The following MCM8 variants were observed in gnomAD, a reference collection of about 807,000 sequenced individuals.
MCM8 encodes DNA helicase MCM8.
A neutral mutation model predicts 98.9 loss-of-function variants in MCM8; 85 were observed. The ratio of observed to expected loss-of-function variants is 0.86; its 90% CI spans 0.72 to 1.03. MCM8 has a LOEUF of 1.03. Among genes scored for constraint, MCM8 ranks in the 50% least tolerant of loss-of-function variants. The pLI is 0.00. For missense variants in MCM8, 951 were observed against 997.8 expected, an observed-to-expected ratio of 0.95 and a Z score of 0.63; for synonymous variants, 352 against 338.6, an observed-to-expected ratio of 1.04 and a Z score of -0.44.
intron 10 of MCM8, among the ~76,000 whole-genome samples, chr20:5,968,632 C>T (rs2122725113): frequency 6.6e-6 from 1 of 152,250 alleles, no homozygotes; most frequent in East Asian, 1.9e-4. Context: ...AAGTGTGCTG[C>T]TTTTGTGCTA....
intron 17 of MCM8, among the ~76,000 whole-genome samples, chr20:5,991,698 TCTTTC>T (rs1490754251): frequency 1.3e-5 from 2 of 152,344 alleles, no homozygotes; most frequent in South Asian, 4.1e-4. Flanking sequence ...CAACATGCAT[TCTTTC>T]CTTAGTTTAT....
At chr20:5,993,821 C>A in intron 18 of MCM8, 126 bp downstream of exon 18, 1 of 725,670 alleles carries the variant, frequency 1.4e-6, no homozygotes, top group Non-Finnish European at 2.2e-6. Flanking sequence ...TTTTCAGCAT[C>A]TTGATAGTCA....
At chr20:5,985,661 T>G (rs1268378392) in intron 15 of MCM8, among the ~76,000 whole-genome samples, 1 of 151,862 alleles carries the variant, frequency 6.6e-6, no homozygotes, top group Non-Finnish European at 1.5e-5. Flanking sequence ...TTCTCCTGCC[T>G]CAGTCTCCCA....
chr20:5,972,721 C>G (rs756853683), intron 11 of MCM8: 63 of 1,303,128 alleles, frequency 4.8e-5, no homozygotes, highest in Admixed American at 2.3e-4. Flanking sequence ...GACCCAGCTA[C>G]TTTTGGTAAG....
intron 12 of MCM8, among the ~76,000 whole-genome samples, chr20:5,977,211 C>T (rs553271390): frequency 3.7e-4 from 57 of 152,320 alleles, no homozygotes; most frequent in African/African-American, 1.3e-3. Context: ...CTGCCATACA[C>T]GGCAGTTTTA....
chr20:5,953,725 G>T (rs979814025), intron 3 of MCM8, among the ~76,000 whole-genome samples: 3 of 151,648 alleles, frequency 2.0e-5, no homozygotes, highest in Admixed American at 6.6e-5. Flanking sequence ...CGCCCGCCTC[G>T]GCCTCCCAAA....
intron 13 of MCM8, among the ~76,000 whole-genome samples, chr20:5,980,942 G>A (rs1202514683): frequency 6.6e-6 from 1 of 151,694 alleles, no homozygotes; most frequent in Non-Finnish European, 1.5e-5. Flanking sequence ...TTAAACTTTG[G>A]TCCATAGGTC....
At chr20:5,978,767 A>C (rs1347897827) in intron 13 of MCM8, among the ~76,000 whole-genome samples, 2 of 152,172 alleles carry the variant, frequency 1.3e-5, no homozygotes, top group Non-Finnish European at 2.9e-5. Flanking sequence ...CATGTTGGCC[A>C]GGCTGGTCTT....
intron 2 of MCM8, 59 bp downstream of exon 2, chr20:5,952,222 C>T (rs555414334): frequency 5.0e-6 from 8 of 1,597,314 alleles, no homozygotes; most frequent in Non-Finnish European, 6.8e-6. Context: ...TCACGTCTAT[C>T]ATACAAGGCG....
intron 8 of MCM8, among the ~76,000 whole-genome samples, chr20:5,963,758 G>C (rs1445394543): frequency 2.0e-5 from 3 of 152,066 alleles, no homozygotes; most frequent in Admixed American, 1.3e-4. Flanking sequence ...GGATGGTCTT[G>C]ATTTCCTGAC....
At chr20:5,983,649 G>A (rs1008929092) in intron 14 of MCM8, among the ~76,000 whole-genome samples, 2 of 152,052 alleles carry the variant, frequency 1.3e-5, no homozygotes, top group African/African-American at 2.4e-5. Flanking sequence ...GCAGTGAGCC[G>A]AGATTGTGCC....
intron 17 of MCM8, among the ~76,000 whole-genome samples, chr20:5,991,729 A>G (rs972252326): frequency 2.6e-5 from 4 of 152,200 alleles, no homozygotes; most frequent in Non-Finnish European, 4.4e-5. Flanking sequence ...CAGGGACCTT[A>G]TCTGACTCAT....
Position 5,993,511 on chromosome 20 carries a change from T to TAGGG in MCM8, c.2249_2250insGAGG (p.Thr751ArgfsTer5), listed in dbSNP as rs1371839580. 1.3e-6 allele frequency: 2 copies of TAGGG among 1,548,666 alleles called. No homozygotes were observed. Among genetic ancestry groups the TAGGG allele is most frequent in the Admixed American group, 3.6e-5 (2 of 54,838 alleles). On this transcript the variant is annotated frameshift_variant, in exon 18 of 19. Coordinates refer to ENST00000610722, the MANE Select transcript of MCM8 (RefSeq NM_032485.6). LOFTEE classifies it high-confidence loss of function. Reference sequence around the variant, plus strand: ...TTTCTTCCTTTCTTTTTAAGCATGCTAGGAACTTACTCTGATGAATTTGGG... The same window carrying TAGGG: ...TTTCTTCCTTTCTTTTTAAGCATGCTAGGGAGGAACTTACTCTGATGAATTTGGG...
intron 17 of MCM8, among the ~76,000 whole-genome samples, chr20:5,991,731 C>T (rs1201026787): frequency 1.3e-5 from 2 of 152,220 alleles, no homozygotes; most frequent in African/African-American, 2.4e-5. Context: ...GGGACCTTAT[C>T]TGACTCATTT....
chr20:5,979,739 A>G (rs1428187811), intron 13 of MCM8, among the ~76,000 whole-genome samples: 1 of 152,090 alleles, frequency 6.6e-6, no homozygotes, highest in Non-Finnish European at 1.5e-5. Context: ...GTAATCTCCT[A>G]ATTGGCATGC....
intron 3 of MCM8, among the ~76,000 whole-genome samples, chr20:5,952,819 AAGT>A (rs1160817923): frequency 6.6e-6 from 1 of 152,248 alleles, no homozygotes; most frequent in Non-Finnish European, 1.5e-5. Flanking sequence ...ACTCCCCAGA[AAGT>A]AGTAATTCAG....
chr20:5,952,498 T>C lies in MCM8; in HGVS notation c.223T>C (p.Tyr75His), dbSNP rs1189085718. Residue 75 changes from tyrosine (Y) to histidine (H), a missense_variant, in exon 3 of 19, where the codon TAT becomes CAT. Tyr to His is a moderately conservative substitution (Grantham distance 83). Transcript: ENST00000610722. ...GTCAACATTGGATCGATTCATACCA[T>C]ATAAAGGCTGGAAGCTTTATTTCTC... is the stretch of plus-strand genomic sequence containing the variant. Reference protein sequence around the residue: ...MQSTLDRFIPYKGWKLYFSEV... With the variant: ...MQSTLDRFIPHKGWKLYFSEV... 6.2e-7 allele frequency: 1 copy of C among 1,613,988 alleles called. No homozygotes were observed.
At chr20:5,967,715 C>A in intron 9 of MCM8, 115 bp from the exon 10 acceptor site, 1 of 1,359,970 alleles carries the variant, frequency 7.4e-7, no homozygotes, top group Non-Finnish European at 1.0e-6. Context: ...TGAAACATTC[C>A]CTTTTAAAAA....
intron 13 of MCM8, among the ~76,000 whole-genome samples, chr20:5,978,238 T>C (rs1287852129): frequency 1.3e-5 from 2 of 152,218 alleles, no homozygotes; most frequent in African/African-American, 2.4e-5. Context: ...CAGAATCTTA[T>C]AGCCGATACA....
Sources: gnomAD v4.1 joint callset for allele counts (sites outside exome capture counted in the v4.1 genomes callset) on GRCh38, gnomAD v4.1.1 for gene constraint, MANE v1.5 for transcripts, NCBI Gene and HGNC (gene_info 2026-07-23, HGNC 2026-07-21) for gene names.